Variants in ERAP2 observed in about 807,000 individuals in gnomAD.
ERAP2 encodes the protein endoplasmic reticulum aminopeptidase 2.
In ERAP2, 118 loss-of-function variants were observed where a neutral mutation model predicts 111.1. The ratio of observed to expected loss-of-function variants is 1.06; its 90% CI spans 0.92 to 1.24. ERAP2 has a LOEUF of 1.24. ERAP2 is among the 50% of genes most tolerant of loss of function. The pLI, the probability that ERAP2 is intolerant of heterozygous loss-of-function variation, is 0.00. For synonymous variants in ERAP2, 410 were observed against 401.2 expected (o/e 1.02, Z -0.26); for missense variants, 1,131 against 1,125.8 (o/e 1.00, Z -0.07).
At chr5:96,905,300 G>T (rs908325247) in intron 13 of ERAP2, among the ~76,000 whole-genome samples, 2 of 152,110 alleles carry the variant, frequency 1.3e-5, no homozygotes, top group Admixed American at 6.5e-5. Context: ...AAATAAGTGC[G>T]AAGGGGAAAC....
chr5:96,887,073 G>GTA (rs35218383), intron 4 of ERAP2, among the ~76,000 whole-genome samples: 12,838 of 86,044 alleles, frequency 0.15, 629 homozygotes, highest in East Asian at 0.25. Flanking sequence ...AATTTTCAAA[G>GTA]TATATATATA....
chr5:96,917,322 T>G (rs1387220640), intron 18 of ERAP2, 140 bp from the exon 19 acceptor site: 18 of 607,634 alleles, frequency 3.0e-5, no homozygotes, highest in Non-Finnish European at 4.7e-5. Flanking sequence ...GGTTCTGGCA[T>G]GTTGCCTAGG....
In ERAP2 at chr5:96,909,714, G is replaced by A; in HGVS notation, c.2304G>A (p.Gln768=). Residue 768 remains glutamine, a synonymous_variant, in exon 15 of 19, where the codon CAG becomes CAA. Transcript: ENST00000437043. The stretch of plus-strand genomic sequence containing the variant: ...ACCTGAACCATGCTCCTTGCATCCA[G>A]AAAGCTGCTGAACTCTTCTCCCAGT... ...ACDLNHAPCI[Q]KAAELFSQWM... 1.2e-6 allele frequency: 2 copies of A among 1,614,210 alleles called. No individual in the cohort carries two copies. Among genetic ancestry groups the A allele is most frequent in the Non-Finnish European group, 1.7e-6 (2 of 1,180,028 alleles).
Position 96,886,808 on chromosome 5 carries a change from G to A in ERAP2, c.849+19G>A, listed in dbSNP as rs111587006. 2,548 of 1,430,628 alleles carry A rather than the reference G, an allele frequency of 1.8e-3. 30 individuals carry two copies. In the African/African-American group the frequency reaches 0.029, roughly 16 times the overall value. The allele number at this position is 1,430,628 out of a possible 1,614,324, so 88.6% of individuals were successfully genotyped here. ...GGTCAAGGTGAGACTGAGTTCTAAC[G>A]TTCTACGCAGTGCAGAAAAGTGTCC... is the stretch of plus-strand genomic sequence containing the variant. On this transcript the variant is annotated intron_variant, in intron 4 of 18. Transcript: ENST00000437043.
intron 8 of ERAP2, 48 bp downstream of exon 8, chr5:96,896,552 T>C (rs1469362328): frequency 6.3e-7 from 1 of 1,591,730 alleles, no homozygotes; most frequent in Middle Eastern, 1.7e-4. Flanking sequence ...AGAAGTGTAA[T>C]AATGACTATA....
intron 1 of ERAP2, among the ~76,000 whole-genome samples, chr5:96,877,037 C>A (rs147529760): frequency 6.6e-6 from 1 of 152,136 alleles, no homozygotes; most frequent in African/African-American, 2.4e-5. Flanking sequence ...TGCAGCAGCA[C>A]GATCTCGGCT....
rs1247470305 is a variant in ERAP2 at position 96,900,112 on chromosome 5, GT to G, written c.1504-5del. On this transcript the variant is annotated splice_polypyrimidine_tract_variant and splice_region_variant and intron_variant, in intron 9 of 18. Coordinates refer to ENST00000437043, the MANE Select transcript of ERAP2 (RefSeq NM_022350.5). ...TACATTGCAGTGCTCTTTTGTTCTTGTTTTGTAGAGTTGTTTAGAAAGTGAT... is the reference window on the plus strand; with the variant it reads ...TACATTGCAGTGCTCTTTTGTTCTTGTTTGTAGAGTTGTTTAGAAAGTGAT... The G allele has an allele frequency of 6.2e-7, 1 of 1,613,676 alleles. No homozygotes were observed.
In ERAP2 at chr5:96,896,895, T is replaced by TATTTA. The variant is rs1328612287; in HGVS notation, c.1503+35_1503+39dup. ...CATATGTTGGGTAACGATAGACTGT[T>TATTTA]ATTTAATCTAGAAAGTAACAGAATA... On this transcript the variant is annotated intron_variant, in intron 9 of 18. Coordinates refer to ENST00000437043, the MANE Select transcript of ERAP2 (RefSeq NM_022350.5). The TATTTA allele has an allele frequency of 2.0e-6, 3 of 1,535,166 alleles. No homozygotes were observed. The African/African-American group carries it at 4.2e-5, about 22-fold the overall frequency.
chr5:96,903,809 TA>T (rs989770459), intron 13 of ERAP2, among the ~76,000 whole-genome samples: 1 of 152,148 alleles, frequency 6.6e-6, no homozygotes, highest in African/African-American at 2.4e-5. Context: ...TGGAATCTCT[TA>T]AAAATGATAT....
rs765032500 is a variant in ERAP2 at position 96,886,826 on chromosome 5, A to C, written c.849+37A>C. The C allele has an allele frequency of 2.2e-6, 3 of 1,370,206 alleles. No individual in the cohort carries two copies. In the South Asian group the frequency reaches 6.4e-5, roughly 29 times the overall value. The allele number at this position is 1,370,206 out of a possible 1,614,324, so 84.9% of individuals were successfully genotyped here. On this transcript the variant is annotated intron_variant, in intron 4 of 18. Coordinates refer to ENST00000437043, the MANE Select transcript of ERAP2 (RefSeq NM_022350.5). ...TTCTAACGTTCTACGCAGTGCAGAA[A>C]AGTGTCCTGAGAGCAATGAACTTTT...
intron 13 of ERAP2, among the ~76,000 whole-genome samples, chr5:96,905,454 A>G (rs1162967071): frequency 1.3e-5 from 2 of 152,222 alleles, no homozygotes; most frequent in African/African-American, 4.8e-5. Flanking sequence ...TACTTATATT[A>G]CATTTATAAC....
At chr5:96,882,441 G>C (rs1783240201) in intron 2 of ERAP2, among the ~76,000 whole-genome samples, 1 of 152,066 alleles carries the variant, frequency 6.6e-6, no homozygotes, top group Non-Finnish European at 1.5e-5. Flanking sequence ...TCACCTAGTA[G>C]GTCTGACATG....
In ERAP2 at chr5:96,901,623, G is replaced by C; in HGVS notation, c.1690G>C (p.Glu564Gln). ...CGGGTGTTCACTCCGACTGCAACAG[G>C]AGCGCTTCCTCCAGGGGGTTTTCCA... ...QDGCSLRLQQ[E>Q]RFLQGVFQED... The change falls in exon 11 of 19, where the codon GAG becomes CAG. Residue 564 changes from glutamate to glutamine, a missense_variant. By Grantham distance (29) the Glu-to-Gln change is conservative. Transcript: ENST00000437043. 1.2e-6 allele frequency: 2 copies of C among 1,614,086 alleles called. No individual in the cohort carries two copies. The highest frequency in any genetic ancestry group is 1.7e-6 in the Non-Finnish European group (2 of 1,179,968).
chr5:96,896,146 G>A (rs1488810107), intron 7 of ERAP2, among the ~76,000 whole-genome samples: 3 of 152,018 alleles, frequency 2.0e-5, no homozygotes, highest in Admixed American at 1.3e-4. Flanking sequence ...AAACATTCAG[G>A]CAATGTCTGA....
At chr5:96,884,709 C>T (rs1783543061) in intron 3 of ERAP2, among the ~76,000 whole-genome samples, 1 of 151,546 alleles carries the variant, frequency 6.6e-6, no homozygotes, top group Non-Finnish European at 1.5e-5. Flanking sequence ...AGGCTCCCAC[C>T]ACTACACCTG....
In ERAP2 at chr5:96,883,810, T is replaced by C; in HGVS notation, c.594T>C (p.Asp198=). The change falls in exon 3 of 19, where the codon GAT becomes GAC. Residue 198 remains aspartate (D), a synonymous_variant. Coordinates refer to ENST00000437043, the MANE Select transcript of ERAP2 (RefSeq NM_022350.5). ...GGETRILAVT[D]FEPTQARMAF... is the part of the protein sequence containing the mutation. The stretch of plus-strand genomic sequence containing the variant: ...TTCACAGAATTCTTGCAGTAACAGA[T>C]TTTGAGCCAACCCAGGCACGCATGG... 1.2e-6 allele frequency: 2 copies of C among 1,610,868 alleles called. No individual in the cohort carries two copies. The highest frequency in any genetic ancestry group is 1.7e-6 in the Non-Finnish European group (2 of 1,179,178).
chr5:96,885,176 TC>T (rs1187846311), intron 3 of ERAP2, among the ~76,000 whole-genome samples: 1 of 152,150 alleles, frequency 6.6e-6, no homozygotes, highest in Non-Finnish European at 1.5e-5. Flanking sequence ...CAGACGTATT[TC>T]CCCATAGTCT....
At chr5:96,889,050 T>G (rs1784054687) in intron 4 of ERAP2, 135 bp from the exon 5 acceptor site, 1 of 1,060,826 alleles carries the variant, frequency 9.4e-7, no homozygotes, top group Admixed American at 2.7e-5. Context: ...TTATCCTTAT[T>G]GACAACATGC....
intron 9 of ERAP2, 49 bp downstream of exon 9, chr5:96,896,912 A>C: frequency 6.6e-7 from 1 of 1,509,646 alleles, no homozygotes; most frequent in Non-Finnish European, 8.8e-7. Context: ...TCTAGAAAGT[A>C]ACAGAATAAT....
Sources: gnomAD v4.1 joint callset for allele counts (sites outside exome capture counted in the v4.1 genomes callset) on GRCh38, gnomAD v4.1.1 for gene constraint, MANE v1.5 for transcripts, NCBI Gene and HGNC (gene_info 2026-07-23, HGNC 2026-07-21) for gene names.